Variants in SUGT1 observed in about 807,000 individuals in gnomAD.
SUGT1 encodes SGT1 assembly cochaperone of MIS12 kinetochore complex, also known as protein SGT1 homolog.
In SUGT1, 15 loss-of-function variants were observed where a neutral mutation model predicts 56.1. The ratio of observed to expected loss-of-function variants is 0.27; its 90% CI spans 0.18 to 0.41. SUGT1 has a LOEUF of 0.41. Among genes scored for constraint, SUGT1 ranks in the 10% least tolerant of loss-of-function variants. The pLI, the probability that SUGT1 is intolerant of heterozygous loss-of-function variation, is 1.00. For missense variants in SUGT1, 347 were observed against 382.2 expected (o/e 0.91, Z 0.77); for synonymous variants, 123 against 128.6 (o/e 0.96, Z 0.30).
chr13:52,679,278 C>A (rs1389392083), intron 11 of SUGT1, among the ~76,000 whole-genome samples: 1 of 152,212 alleles, frequency 6.6e-6, no homozygotes, highest in East Asian at 1.9e-4. Context: ...CCAGTAGCCT[C>A]TCTCGCTGCA....
In SUGT1 at chr13:52,668,836, A is replaced by G. The variant is rs1962820643; in HGVS notation, c.627+1917A>G. Among the ~76,000 whole-genome samples the G allele has an allele frequency of 2.0e-5, 3 of 152,114 alleles. No homozygotes were observed. The South Asian group carries it at 6.2e-4, about 32-fold the overall frequency. On this transcript the variant is annotated intron_variant, in intron 10 of 12. Coordinates refer to ENST00000310528, the MANE Select transcript of SUGT1 (RefSeq NM_006704.5). ...ACAGAGTGAGACTCTGTCTCAAAAA[A>G]AAAAAAAAAAAGATTGTTAATGCAT... is the stretch of plus-strand genomic sequence containing the variant.
intron 10 of SUGT1, among the ~76,000 whole-genome samples, chr13:52,667,834 C>G (rs1962778023): frequency 6.6e-6 from 1 of 152,082 alleles, no homozygotes; most frequent in African/African-American, 2.4e-5. Flanking sequence ...GACTATAAGA[C>G]TGAATTTTCA....
chr13:52,671,670 G>A (rs766072467), intron 10 of SUGT1, among the ~76,000 whole-genome samples: 10 of 152,098 alleles, frequency 6.6e-5, no homozygotes, highest in Non-Finnish European at 1.3e-4. Context: ...TGCCAGACGT[G>A]GTTCTTTATT....
At position 52,694,313 on chromosome 13, in the gene SUGT1, T is replaced by G. The variant is rs988643391; in HGVS notation, c.*6478T>G. ...GTTGTAAGTTCAGTCTTTCAAGATG[T>G]GGAATTCTGTCTGAGGAAAGTATAT... On this transcript the variant is annotated 3_prime_UTR_variant, in exon 13 of 13. Coordinates refer to ENST00000310528, the MANE Select transcript of SUGT1 (RefSeq NM_006704.5). The G allele has an allele frequency of 5.3e-5, 8 of 152,354 alleles. No individual in the cohort carries two copies. The East Asian group carries it at 1.5e-3, about 29-fold the overall frequency. The allele number at this position is 152,354 out of a possible 1,614,324, so 9.4% of individuals were successfully genotyped here.
chr13:52,665,023 C>T (rs190044118), intron 8 of SUGT1, among the ~76,000 whole-genome samples: 7 of 152,124 alleles, frequency 4.6e-5, no homozygotes, highest in Non-Finnish European at 1.0e-4. Context: ...GAATCTAGAC[C>T]CATTAGTCTT....
chr13:52,657,943 C>T (rs922346827), intron 3 of SUGT1, among the ~76,000 whole-genome samples: 4 of 152,082 alleles, frequency 2.6e-5, no homozygotes, highest in East Asian at 1.9e-4. Flanking sequence ...AGAATGTGGC[C>T]AGGCATGGTG....
At chr13:52,673,383 A>T (rs1963017793) in intron 10 of SUGT1, among the ~76,000 whole-genome samples, 5 of 152,004 alleles carry the variant, frequency 3.3e-5, no homozygotes, top group Admixed American at 3.3e-4. Context: ...GAGTGCCAGG[A>T]TTACACGTGT....
At chr13:52,658,194 A>C in intron 3 of SUGT1, 2 of 1,496,980 alleles carry the variant, frequency 1.3e-6, no homozygotes, top group Non-Finnish European at 1.8e-6. Flanking sequence ...GAAGAGCTTT[A>C]AGAAGGAAGC....
At chr13:52,681,855 G>A (rs1163320696) in intron 12 of SUGT1, among the ~76,000 whole-genome samples, 1 of 149,376 alleles carries the variant, frequency 6.7e-6, no homozygotes, top group African/African-American at 2.5e-5. Flanking sequence ...AAAAAAGAGA[G>A]AGAGAGAGAT....
Position 52,659,037 on chromosome 13 carries a change from TAGAA to T in SUGT1, c.258-139_258-136del, listed in dbSNP as rs151143229. 1,053 of 554,588 alleles carry T rather than the reference TAGAA, an allele frequency of 1.9e-3. 6 individuals are homozygous for T. In the African/African-American group the frequency reaches 0.02, roughly 10 times the overall value. 34.4% of individuals were successfully genotyped at this position (554,588 alleles called of 1,614,324 possible). ...ATTGTACTAGATCTTAACAGTATAT[TAGAA>T]AGTCTCTAGGTTTATTAACATACAC... is the stretch of plus-strand genomic sequence containing the variant. On this transcript the variant is annotated intron_variant, in intron 4 of 12. Coordinates refer to ENST00000310528, the MANE Select transcript of SUGT1 (RefSeq NM_006704.5).
chr13:52,674,984 A>G (rs895507697), intron 10 of SUGT1, among the ~76,000 whole-genome samples: 3 of 152,172 alleles, frequency 2.0e-5, no homozygotes, highest in East Asian at 3.9e-4. Context: ...TCATTTTAAT[A>G]AGTGAACTTA....
At chr13:52,668,204 TCTC>T (rs1962795709) in intron 10 of SUGT1, among the ~76,000 whole-genome samples, 1 of 152,094 alleles carries the variant, frequency 6.6e-6, no homozygotes, top group Non-Finnish European at 1.5e-5. Context: ...ATGGTCTTGA[TCTC>T]CTGACCACGT....
At chr13:52,681,512 A>G (rs1963373493) in intron 12 of SUGT1, among the ~76,000 whole-genome samples, 1 of 152,188 alleles carries the variant, frequency 6.6e-6, no homozygotes, top group Non-Finnish European at 1.5e-5. Context: ...ACCTTTTACA[A>G]AGTTTCCATT....
chr13:52,663,915 A>T, intron 7 of SUGT1, 120 bp from the exon 8 acceptor site: 2 of 937,608 alleles, frequency 2.1e-6, no homozygotes, highest in Middle Eastern at 2.2e-4. Context: ...TAGTTATTTT[A>T]TATCAAAATA....
intron 12 of SUGT1, among the ~76,000 whole-genome samples, chr13:52,683,182 T>G (rs1963444604): frequency 1.3e-5 from 2 of 152,230 alleles, no homozygotes; most frequent in Non-Finnish European, 2.9e-5. Flanking sequence ...TTGCCTTGTT[T>G]CCCATTTTAA....
chr13:52,659,863 C>G (rs1201162920), intron 5 of SUGT1, among the ~76,000 whole-genome samples: 11 of 123,402 alleles, frequency 8.9e-5, no homozygotes. Flanking sequence ...GAGTCTCACT[C>G]TGTCGCCCAG....
rs1019880859 is a variant in SUGT1 at position 52,688,457 on chromosome 13, C to T, written c.*622C>T. 3.9e-5 allele frequency: 6 copies of T among 152,072 alleles called. No homozygotes were observed. Among genetic ancestry groups the T allele is most frequent in the African/African-American group, 1.4e-4 (6 of 41,410 alleles). The allele number at this position is 152,072 out of a possible 1,614,324, so 9.4% of individuals were successfully genotyped here. A position where few individuals can be genotyped will look rare whatever the true frequency, so the allele number is the denominator to read the frequency against. On this transcript the variant is annotated 3_prime_UTR_variant, in exon 13 of 13. Coordinates refer to ENST00000310528, the MANE Select transcript of SUGT1 (RefSeq NM_006704.5). The stretch of plus-strand genomic sequence containing the variant: ...CAAGTTTCTGTATAAAACATAGATA[C>T]CTGAGTTTTAACACACTGCAAGTTT...
intron 5 of SUGT1, among the ~76,000 whole-genome samples, chr13:52,660,388 A>G (rs1415279564): frequency 6.6e-6 from 1 of 152,176 alleles, no homozygotes; most frequent in Non-Finnish European, 1.5e-5. Context: ...AGTATAAACC[A>G]GGGGTGCTAC....
chr13:52,680,166 A>G lies in SUGT1; in HGVS notation c.900+11A>G, dbSNP rs766058282. ...ATGAACAAATCCTTTGTAAGAATATAAACTTAAAGAAATATATATGGGAGC... is the reference window on the plus strand; with the variant it reads ...ATGAACAAATCCTTTGTAAGAATATGAACTTAAAGAAATATATATGGGAGC... On this transcript the variant is annotated intron_variant, in intron 12 of 12. Coordinates refer to ENST00000310528, the MANE Select transcript of SUGT1 (RefSeq NM_006704.5). 3.9e-6 allele frequency: 6 copies of G among 1,552,070 alleles called. No individual in the cohort carries two copies. The highest frequency in any genetic ancestry group is 4.3e-6 in the Non-Finnish European group (5 of 1,159,894).
Sources: allele counts gnomAD v4.1 joint callset (sites outside exome capture counted in the v4.1 genomes callset), GRCh38; gene constraint gnomAD v4.1.1; transcripts MANE v1.5; gene names NCBI Gene and HGNC (gene_info 2026-07-23, HGNC 2026-07-21).